Variants in LINGO2 observed in about 807,000 individuals in gnomAD.
The protein encoded by LINGO2 is leucine rich repeat and Ig domain containing 2, also known as leucine-rich repeat and immunoglobulin-like domain-containing nogo receptor-interacting protein 2.
In LINGO2, 14 loss-of-function variants were observed where a neutral mutation model predicts 30.6. That is an observed-to-expected ratio of 0.46 (90% CI 0.30 to 0.72). The LOEUF (loss-of-function observed/expected upper bound fraction) is 0.72, where lower values mean the gene tolerates loss of function less well. Among genes scored for constraint, LINGO2 ranks in the 30% least tolerant of loss-of-function variants. The pLI is 0.07. For synonymous variants in LINGO2, 317 were observed against 288.5 expected, an observed-to-expected ratio of 1.10 and a Z score of -1.00; for missense variants, 729 against 751.7, an observed-to-expected ratio of 0.97 and a Z score of 0.35.
intron 4 of LINGO2, among the ~76,000 whole-genome samples, chr9:28,173,424 G>T (rs1828657322): frequency 1.3e-5 from 2 of 152,098 alleles, no homozygotes; most frequent in African/African-American, 4.8e-5. Flanking sequence ...TATAACAGGA[G>T]GAAAAAATTC....
rs560622139 is a variant in LINGO2, at chr9:28,030,348, T to C, written c.-86-17943A>G. On this transcript the variant is annotated intron_variant, in intron 4 of 5. Coordinates refer to ENST00000379992, the Ensembl canonical transcript of LINGO2. ...AATATATTTTATCACAATGTAGTTT[T>C]TATTAATAAGTTGTGTTGACTAACA... Among the ~76,000 whole-genome samples, 7 of 152,332 alleles carry C rather than the reference T, an allele frequency of 4.6e-5. No homozygotes were observed. In the South Asian group the frequency reaches 1.4e-3, roughly 32 times the overall value.
rs1283473259 is a variant in LINGO2, at chr9:28,272,290, T to C, written c.-87+22918A>G. 6.6e-5 allele frequency among the ~76,000 whole-genome samples: 10 copies of C among 152,224 alleles called. No homozygotes were observed. The East Asian group carries it at 1.6e-3, about 24-fold the overall frequency. On this transcript the variant is annotated intron_variant, in intron 4 of 5. Coordinates refer to ENST00000379992, the Ensembl canonical transcript of LINGO2. Reference sequence around the variant, plus strand: ...CAAAAATACTTCAGGGGCCTCCCTTTGCACTTAGCATAAAATCAAGTATCA... The same window carrying C: ...CAAAAATACTTCAGGGGCCTCCCTTCGCACTTAGCATAAAATCAAGTATCA...
intron 2 of LINGO2, among the ~76,000 whole-genome samples, chr9:28,391,933 G>A (rs1429014703): frequency 6.6e-6 from 1 of 152,112 alleles, no homozygotes. Context: ...CCTTGGCCAA[G>A]TGTGGTGGCT....
At chr9:28,403,241 T>C (rs1822346409) in intron 2 of LINGO2, among the ~76,000 whole-genome samples, 1 of 152,156 alleles carries the variant, frequency 6.6e-6, no homozygotes, top group South Asian at 2.1e-4. Context: ...CCTTTCTCTT[T>C]GGTGTCTGGT....
the LINGO2 span, among the ~76,000 whole-genome samples, chr9:29,211,804 C>T: frequency 5.3e-5 from 8 of 152,212 alleles, no homozygotes; most frequent in African/African-American, 1.9e-4. Flanking sequence ...ACAGCAGGTC[C>T]CCTAGCTCAC....
the LINGO2 span, among the ~76,000 whole-genome samples, chr9:29,132,536 A>G: frequency 6.6e-6 from 1 of 152,208 alleles, no homozygotes; most frequent in Non-Finnish European, 1.5e-5. Flanking sequence ...ACCAATGGGA[A>G]ACCTCTAGAG....
chr9:28,367,313 T>C (rs762651756), intron 3 of LINGO2, among the ~76,000 whole-genome samples: 2 of 152,200 alleles, frequency 1.3e-5, no homozygotes, highest in South Asian at 2.1e-4. Context: ...AACACATTCA[T>C]CATTCTTTCT....
chr9:28,540,035 G>A (rs1821605444), intron 1 of LINGO2, among the ~76,000 whole-genome samples: 1 of 152,094 alleles, frequency 6.6e-6, no homozygotes, highest in Non-Finnish European at 1.5e-5. Flanking sequence ...CAGACAGACA[G>A]CTAGGGTTAA....
At chr9:28,919,820 A>C in the LINGO2 span, among the ~76,000 whole-genome samples, 1 of 152,302 alleles carries the variant, frequency 6.6e-6, no homozygotes, top group East Asian at 1.9e-4. Flanking sequence ...GGCCCACACA[A>C]CCACTGCTAA....
In LINGO2 at chr9:28,221,289, G is replaced by A. The variant is rs1379536119; in HGVS notation, c.-87+73919C>T. 1.1e-4 allele frequency among the ~76,000 whole-genome samples: 13 copies of A among 118,410 alleles called. 1 individual carries two copies. The East Asian group carries it at 2.5e-3, about 23-fold the overall frequency. 77.7% of individuals were successfully genotyped at this position (118,410 alleles called of 152,430 possible). ...CAGTCCAGCCTGGGTGACAGAGCCA[G>A]ACCCCGTCTAAAAAAAAAAAAAAAA... On this transcript the variant is annotated intron_variant, in intron 4 of 5. Transcript: ENST00000379992.
intron 5 of LINGO2, among the ~76,000 whole-genome samples, chr9:28,001,704 G>GAA (rs34602365): frequency 4.0e-5 from 6 of 149,978 alleles, no homozygotes; most frequent in South Asian, 2.1e-4. Flanking sequence ...GGGCAGAAAG[G>GAA]AAAAAAAAAG....
chr9:27,949,707 A>G (rs1234313568), exon 6 of LINGO2: 1 of 1,614,124 alleles, frequency 6.2e-7, no homozygotes, highest in Admixed American at 1.7e-5. Context: ...CACGCGTAGG[A>G]AGCGGAGCCC....
At chr9:28,742,172 C>A in the LINGO2 span, among the ~76,000 whole-genome samples, 1 of 151,860 alleles carries the variant, frequency 6.6e-6, no homozygotes, top group South Asian at 2.1e-4. Context: ...ACTTATCTCT[C>A]CTTCCCTCAT....
At chr9:28,517,603 A>G (rs1296401386) in intron 1 of LINGO2, among the ~76,000 whole-genome samples, 1 of 152,240 alleles carries the variant, frequency 6.6e-6, no homozygotes, top group Non-Finnish European at 1.5e-5. Flanking sequence ...TTGTAAATGT[A>G]CTGAAATTAA....
chr9:28,920,755 C>T, the LINGO2 span, among the ~76,000 whole-genome samples: 2 of 152,054 alleles, frequency 1.3e-5, no homozygotes, highest in Admixed American at 6.6e-5. Context: ...CACAAATCTA[C>T]ATAACCGAAT....
intron 1 of LINGO2, among the ~76,000 whole-genome samples, chr9:28,551,520 T>C (rs868718972): frequency 2.0e-4 from 30 of 152,114 alleles, no homozygotes; most frequent in Admixed American, 3.9e-4. Flanking sequence ...TAAAATTATG[T>C]TCTGCTTTTA....
At chr9:29,126,869 G>A in the LINGO2 span, among the ~76,000 whole-genome samples, 3 of 152,068 alleles carry the variant, frequency 2.0e-5, no homozygotes, top group Non-Finnish European at 2.9e-5. Flanking sequence ...AACTTTCCAC[G>A]CCCAAGTAAC....
intron 3 of LINGO2, among the ~76,000 whole-genome samples, chr9:28,300,190 C>T (rs938678620): frequency 3.2e-4 from 49 of 151,212 alleles, no homozygotes; most frequent in Non-Finnish European, 6.9e-4. Context: ...GACAAAACCC[C>T]TGATTAGATT....
chr9:28,689,262 C>G, the LINGO2 span, among the ~76,000 whole-genome samples: 1 of 152,064 alleles, frequency 6.6e-6, no homozygotes, highest in East Asian at 1.9e-4. Context: ...CTACAGCCAA[C>G]AAGAAATCAG....
Sources: gnomAD v4.1 joint callset for allele counts (sites outside exome capture counted in the v4.1 genomes callset) on GRCh38, gnomAD v4.1.1 for gene constraint, MANE v1.5 for transcripts, NCBI Gene and HGNC (gene_info 2026-07-23, HGNC 2026-07-21) for gene names.